Variants in PHF12 observed in about 807,000 individuals in gnomAD.
PHF12 encodes the protein PHD factor 1.
A neutral mutation model predicts 99.8 loss-of-function variants in PHF12; 6 were observed. The ratio of observed to expected loss-of-function variants is 0.06; its 90% CI spans 0.03 to 0.12. The LOEUF is 0.12. Ranked by LOEUF, PHF12 falls within the 10% of genes least tolerant of loss-of-function variation. The pLI is 1.00. For missense variants in PHF12, 954 were observed against 1,300.1 expected, an observed-to-expected ratio of 0.73 and a Z score of 4.09; for synonymous variants, 480 against 514.9, an observed-to-expected ratio of 0.93 and a Z score of 0.92.
In PHF12 at chr17:28,906,513, G is replaced by A. The variant is rs768808695; in HGVS notation, c.2685C>T (p.Arg895=). The A allele has an allele frequency of 1.9e-6, 3 of 1,595,586 alleles. No individual in the cohort carries two copies. Among genetic ancestry groups the A allele is most frequent in the African/African-American group, 1.3e-5 (1 of 74,554 alleles). ...CTTCGTCCTGTTTCTGGTGCCGGCG[G>A]CGCCCTGGGAAAAAGGGGGATGGTC... ...IVAKVQSVIR[R]RRHQKQDEEP... Residue 895 remains arginine, a synonymous_variant, in exon 15 of 15, where the codon CGC becomes CGT. Coordinates refer to ENST00000332830, the MANE Select transcript of PHF12 (RefSeq NM_001033561.2). The surrounding 1 kb of genome is among the most constrained non-coding windows in gnomAD (Gnocchi z 4.2).
At chr17:28,913,737 C>G (rs984271906) in intron 8 of PHF12, 142 bp downstream of exon 8, 341 of 1,217,372 alleles carry the variant, frequency 2.8e-4, no homozygotes, top group Non-Finnish European at 3.7e-4. Context: ...AGAAGTTCCC[C>G]CTGGAATACT....
chr17:28,906,160 C>A lies in PHF12; in HGVS notation c.*23G>T. ...AGGAGTCTTGGGTGGGTGTACAGGC[C>A]AGTGGCGGGGTAGCCGCCAGTCCTA... On this transcript the variant is annotated 3_prime_UTR_variant, in exon 15 of 15. Transcript: ENST00000332830. The surrounding 1 kb of genome is among the most constrained non-coding windows in gnomAD (Gnocchi z 4.2). 6.4e-7 allele frequency: 1 copy of A among 1,567,096 alleles called. No individual in the cohort carries two copies.
chr17:28,930,590 C>T (rs943852969), intron 2 of PHF12, among the ~76,000 whole-genome samples: 1 of 152,224 alleles, frequency 6.6e-6, no homozygotes, highest in Non-Finnish European at 1.5e-5. Flanking sequence ...GAGTCCAAGT[C>T]CATACTGGCA....
In PHF12 at chr17:28,926,596, T is replaced by C. The variant is rs560873433; in HGVS notation, c.321+395A>G. 6.5e-4 allele frequency: 243 copies of C among 375,738 alleles called. 1 individual carries two copies. The highest frequency in any genetic ancestry group is 1.1e-3 in the Non-Finnish European group (227 of 198,122). 23.3% of individuals were successfully genotyped at this position (375,738 alleles called of 1,614,324 possible). On this transcript the variant is annotated intron_variant, in intron 3 of 14. Transcript: ENST00000332830. ...ATGCGTTCAAAATCCTCTCCGTCAG[T>C]ATGCCAAGTCTCTGGATACCAGTGA...
At chr17:28,930,836 C>CGG in intron 2 of PHF12, among the ~76,000 whole-genome samples, 1 of 152,190 alleles carries the variant, frequency 6.6e-6, no homozygotes, top group Non-Finnish European at 1.5e-5. Flanking sequence ...TTTGTGAGGC[C>CGG]GAGGTGGGTG....
Position 28,906,393 on chromosome 17 carries a change from C to T in PHF12, c.2805G>A (p.Gly935=). The T allele has an allele frequency of 6.2e-7, 1 of 1,614,214 alleles. No homozygotes were observed. The highest frequency in any genetic ancestry group is 2.2e-5 in the East Asian group (1 of 44,890). Residue 935 remains glycine, a synonymous_variant, in exon 15 of 15, where the codon GGG becomes GGA. Transcript: ENST00000332830. This position sits in a 1 kb window ranked among gnomAD's most constrained non-coding sequence, Gnocchi z 4.2. ...NCKASSSSLI[G]GSGAGWEGTA... ...TGCCCTCCCAGCCGGCCCCACTGCCCCCAATCAAGCTCGAGCTGCTGGCTT... is the reference window on the plus strand; with the variant it reads ...TGCCCTCCCAGCCGGCCCCACTGCCTCCAATCAAGCTCGAGCTGCTGGCTT...
In PHF12 at chr17:28,927,731, T is replaced by TTAAAAA. The variant is rs1162118233; in HGVS notation, c.249-669_249-668insTTTTTA. The TTAAAAA allele has an allele frequency of 2.0e-5, 3 of 152,362 alleles. No individual in the cohort carries two copies. The East Asian group carries it at 5.8e-4, about 29-fold the overall frequency. 9.4% of individuals were successfully genotyped at this position (152,362 alleles called of 1,614,324 possible). A position where few individuals can be genotyped will look rare whatever the true frequency, so the allele number is the denominator to read the frequency against. On this transcript the variant is annotated intron_variant, in intron 2 of 14. Coordinates refer to ENST00000332830, the MANE Select transcript of PHF12 (RefSeq NM_001033561.2). ...CCTTAAGAGATCTGCAGATTCTATT[T>TTAAAAA]TTTAAGAAATATGCTTGGAAAGTTC...
In PHF12 at chr17:28,912,508, C is replaced by T. The variant is rs747074949; in HGVS notation, c.2063G>A (p.Arg688Gln). 6 of 1,604,634 alleles carry T rather than the reference C, an allele frequency of 3.7e-6. No individual in the cohort carries two copies. The highest frequency in any genetic ancestry group is 1.1e-5 in the South Asian group (1 of 90,360). The change falls in exon 9 of 15, where the codon CGA (arginine) becomes CAA (glutamine). Residue 688 changes from arginine to glutamine, a missense_variant. Transcript: ENST00000332830. ...TGACGATGGCGCTGGTGAGCTGAATCGTTGGTTGGCTGTTGTGGCCAAGAT... is the reference window on the plus strand; with the variant it reads ...TGACGATGGCGCTGGTGAGCTGAATTGTTGGTTGGCTGTTGTGGCCAAGAT... ...DGILATTANQ[R>Q]FSSPAPSSDG...
chr17:28,938,465 T>G (rs2040549115), intron 2 of PHF12, among the ~76,000 whole-genome samples: 1 of 152,136 alleles, frequency 6.6e-6, no homozygotes, highest in African/African-American at 2.4e-5. Context: ...CCTGACCTTG[T>G]GATCCGTCCA....
rs138606308 is a variant in PHF12 at position 28,936,927 on chromosome 17, CCTCATCCAG to C, written c.249-9873_249-9865del. Among the ~76,000 whole-genome samples, 1,006 of 152,288 alleles carry C rather than the reference CCTCATCCAG, an allele frequency of 6.6e-3. 5 individuals carry two copies. The highest frequency in any genetic ancestry group is 0.023 in the African/African-American group (952 of 41,534). ...CTCTCCCTCAGACTGGCCCTGCGGC[CCTCATCCAG>C]CTCAGAAAATGTGTTGATACTAGCC... On this transcript the variant is annotated intron_variant, in intron 2 of 14. Transcript: ENST00000332830.
In PHF12 at chr17:28,913,972, C is replaced by A. The variant is rs372694638; in HGVS notation, c.1200G>T (p.Arg400=). 8.7e-6 allele frequency: 14 copies of A among 1,613,720 alleles called. No individual in the cohort carries two copies. The African/African-American group carries it at 1.5e-4, about 17-fold the overall frequency. The part of the protein sequence containing the change: ...PPPLIAPAAI[R]DGELICNGIP... ...TCCCATTGCAGATCAGCTCCCCGTC[C>A]CGAATGGCCGCGGGTGCAATGAGAG... The change falls in exon 8 of 15, where the codon CGG becomes CGT. Residue 400 remains arginine (R), a synonymous_variant. Transcript: ENST00000332830.
rs2039863323 is a variant in PHF12 at position 28,905,879 on chromosome 17, T to C, written c.*304A>G. On this transcript the variant is annotated 3_prime_UTR_variant, in exon 15 of 15. Transcript: ENST00000332830. ...GCAGGAGGTGGGTGGGGAAGGGTTTTGTGTTGGAGGAAGTGTCCAGACCCT... is the reference window on the plus strand; with the variant it reads ...GCAGGAGGTGGGTGGGGAAGGGTTTCGTGTTGGAGGAAGTGTCCAGACCCT... 3.6e-6 allele frequency: 1 copy of C among 276,786 alleles called. No homozygotes were observed. The highest frequency in any genetic ancestry group is 6.7e-6 in the Non-Finnish European group (1 of 149,350). The allele number at this position is 276,786 out of a possible 1,614,324, so 17.1% of individuals were successfully genotyped here. A position where few individuals can be genotyped will look rare whatever the true frequency, so the allele number is the denominator to read the frequency against.
In PHF12 at chr17:28,950,513, T is replaced by C; in HGVS notation, c.67-267A>G. 1 of 551,788 alleles carries C rather than the reference T, an allele frequency of 1.8e-6. No homozygotes were observed. Among genetic ancestry groups the C allele is most frequent in the Non-Finnish European group, 3.2e-6 (1 of 310,712 alleles). 34.2% of individuals were successfully genotyped at this position (551,788 alleles called of 1,614,324 possible). On this transcript the variant is annotated intron_variant, in intron 1 of 14. Coordinates refer to ENST00000332830, the MANE Select transcript of PHF12 (RefSeq NM_001033561.2). This position sits in a 1 kb window ranked among gnomAD's most constrained non-coding sequence, Gnocchi z 5.7. ...GGGAAGAGGGTGCGCGGTTCCCTTC[T>C]TGCCACTTCCTTGTATGGACAGTGG...
intron 2 of PHF12, among the ~76,000 whole-genome samples, chr17:28,934,497 C>T (rs963346211): frequency 6.6e-6 from 1 of 152,066 alleles, no homozygotes; most frequent in African/African-American, 2.4e-5. Context: ...GATAAAATAC[C>T]TGATAAAAGG....
chr17:28,906,746 G>C lies in PHF12; in HGVS notation c.2680+110C>G. The stretch of plus-strand genomic sequence containing the variant: ...CCTGCCCTGGGCCCACGAGGAAGTA[G>C]AGCTTGGCCAATAGGACTGGGAAGG... On this transcript the variant is annotated intron_variant, in intron 14 of 14. Coordinates refer to ENST00000332830, the MANE Select transcript of PHF12 (RefSeq NM_001033561.2). This position sits in a 1 kb window ranked among gnomAD's most constrained non-coding sequence, Gnocchi z 4.2. 6.9e-7 allele frequency: 1 copy of C among 1,455,700 alleles called. No homozygotes were observed. The highest frequency in any genetic ancestry group is 1.3e-5 in the South Asian group (1 of 75,038). The allele number at this position is 1,455,700 out of a possible 1,614,324, so 90.2% of individuals were successfully genotyped here.
chr17:28,927,045 T>G lies in PHF12; in HGVS notation c.267A>C (p.Glu89Asp). 1 of 1,614,076 alleles carries G rather than the reference T, an allele frequency of 6.2e-7. No homozygotes were observed. The highest frequency in any genetic ancestry group is 8.5e-7 in the Non-Finnish European group (1 of 1,179,928). Residue 89 changes from glutamate to aspartate, a missense_variant, in exon 3 of 15, where the codon GAA (glutamate) becomes GAC (aspartate). Transcript: ENST00000332830. ...TCCACTCTCCAGGAGGCAACATTTC[T>G]TCACTCAGTGGAGGGTTACTGTGGG... ...HLQCCNPPLS[E>D]EMLPPGEWMC...
intron 4 of PHF12, among the ~76,000 whole-genome samples, chr17:28,923,071 T>C (rs1352809739): frequency 6.6e-6 from 1 of 151,282 alleles, no homozygotes; most frequent in Non-Finnish European, 1.5e-5. Flanking sequence ...TCTATATTAA[T>C]ATGAAAAGAC....
At chr17:28,941,327 T>C (rs906475115) in intron 2 of PHF12, among the ~76,000 whole-genome samples, 2 of 152,164 alleles carry the variant, frequency 1.3e-5, no homozygotes, top group African/African-American at 4.8e-5. Context: ...GATGTACCCA[T>C]TTCTGTTCAA....
intron 13 of PHF12, 188 bp from the exon 14 acceptor site, chr17:28,907,182 G>A: frequency 6.5e-6 from 4 of 611,316 alleles, no homozygotes; most frequent in Non-Finnish European, 1.1e-5. Flanking sequence ...TCCTTCTGGT[G>A]TCCCACACTC....
Sources: allele counts gnomAD v4.1 joint callset (sites outside exome capture counted in the v4.1 genomes callset), GRCh38; gene constraint gnomAD v4.1.1; non-coding constraint Gnocchi (gnomAD v3.1); transcripts MANE v1.5; gene names NCBI Gene and HGNC (gene_info 2026-07-23, HGNC 2026-07-21).